The following BRDT variants were observed in gnomAD, a reference collection of about 807,000 sequenced individuals.
BRDT encodes the protein bromodomain testis associated.
Under a neutral mutation model 113.9 loss-of-function variants are expected in BRDT, and 77 were observed. The observed-to-expected ratio is 0.68, with a 90% CI of 0.56 to 0.82. The LOEUF is 0.82. Among genes scored for constraint, BRDT ranks in the 40% least tolerant of loss-of-function variants. The pLI is 0.00. For missense variants in BRDT, 1,027 were observed against 1,105.4 expected (o/e 0.93, Z 1.01); for synonymous variants, 358 against 366.5 (o/e 0.98, Z 0.26).
At chr1:91,954,271 A>ATTT (rs34674557) in intron 1 of BRDT, among the ~76,000 whole-genome samples, 1 of 79,786 alleles carries the variant, frequency 1.3e-5, no homozygotes, top group African/African-American at 5.1e-5. Context: ...GGTGCTCGGC[A>ATTT]TTTTTTTTTT....
chr1:91,964,018 T>A (rs983368225), intron 2 of BRDT, among the ~76,000 whole-genome samples: 4 of 151,960 alleles, frequency 2.6e-5, no homozygotes, highest in African/African-American at 9.7e-5. Flanking sequence ...AAGACAGGCA[T>A]GTGCCAGCAC....
At chr1:91,954,675 G>T (rs1454436901) in intron 1 of BRDT, among the ~76,000 whole-genome samples, 1 of 152,218 alleles carries the variant, frequency 6.6e-6, no homozygotes. Context: ...AATAGTGGAG[G>T]CTGGGTGTGA....
At chr1:91,956,977 A>G (rs1436255574) in intron 1 of BRDT, among the ~76,000 whole-genome samples, 2 of 152,138 alleles carry the variant, frequency 1.3e-5, no homozygotes, top group African/African-American at 2.4e-5. Flanking sequence ...TCTTGATTAC[A>G]TTCAATTGTT....
In BRDT at chr1:91,962,955, G is replaced by T; in HGVS notation, c.192+9G>T. On this transcript the variant is annotated intron_variant, in intron 2 of 18. Transcript: ENST00000399546. Reference sequence around the variant, plus strand: ...TGAAACTACAGTTGCCTGTATGTATGTCTTCAACTATGTTAGTTTCAAAAA... The same window carrying T: ...TGAAACTACAGTTGCCTGTATGTATTTCTTCAACTATGTTAGTTTCAAAAA... 6.5e-7 allele frequency: 1 copy of T among 1,539,084 alleles called. No individual in the cohort carries two copies. Among genetic ancestry groups the T allele is most frequent in the Non-Finnish European group, 8.7e-7 (1 of 1,145,260 alleles).
At chr1:92,001,690 C>G (rs1275738644) in intron 15 of BRDT, among the ~76,000 whole-genome samples, 1 of 151,140 alleles carries the variant, frequency 6.6e-6, no homozygotes, top group African/African-American at 2.4e-5. Flanking sequence ...AAGCAAGACC[C>G]TCTCCCCGCA....
At chr1:91,977,582 G>A (rs1684272811) in intron 6 of BRDT, 189 bp downstream of exon 6, 1 of 475,254 alleles carries the variant, frequency 2.1e-6, no homozygotes, top group Non-Finnish European at 3.5e-6. Flanking sequence ...ACATGTCCAT[G>A]GTTCTAGGCC....
intron 4 of BRDT, among the ~76,000 whole-genome samples, chr1:91,970,526 C>G (rs1397112820): frequency 6.6e-6 from 1 of 152,178 alleles, no homozygotes; most frequent in Non-Finnish European, 1.5e-5. Flanking sequence ...CTTGGCCTCC[C>G]AAAGTGCTAG....
rs1186901507 is a variant in BRDT, at chr1:91,977,267, A to G, written c.843A>G (p.Lys281=). 1.2e-6 allele frequency: 2 copies of G among 1,614,148 alleles called. No individual in the cohort carries two copies. The highest frequency in any genetic ancestry group is 1.1e-5 in the South Asian group (1 of 91,076). The change falls in exon 6 of 19, where the codon AAA becomes AAG. Residue 281 remains lysine, a synonymous_variant. Transcript: ENST00000399546. The stretch of plus-strand genomic sequence containing the variant: ...TAAGGCACTGTAGTGAGATTCTTAA[A>G]GAAATGCTTGCAAAGAAACATTTTT... ...EQLRHCSEIL[K]EMLAKKHFSY...
chr1:91,965,945 A>G (rs552538117), intron 3 of BRDT, among the ~76,000 whole-genome samples: 7 of 152,084 alleles, frequency 4.6e-5, no homozygotes, highest in South Asian at 2.1e-4. Context: ...GAGATCAGAT[A>G]TGCTCTTTGT....
intron 3 of BRDT, 140 bp downstream of exon 3, chr1:91,964,904 TA>T: frequency 2.3e-6 from 1 of 436,782 alleles, no homozygotes; most frequent in Non-Finnish European, 3.6e-6. Context: ...TGTGTGTGTG[TA>T]TATAATTTTT....
At chr1:91,964,809 T>C in intron 3 of BRDT, 45 bp downstream of exon 3, 1 of 1,272,206 alleles carries the variant, frequency 7.9e-7, no homozygotes, top group Non-Finnish European at 1.0e-6. Flanking sequence ...TGCCATTACA[T>C]ATAGGAGAGA....
At chr1:91,998,173 G>A (rs924377784) in intron 15 of BRDT, among the ~76,000 whole-genome samples, 5 of 152,022 alleles carry the variant, frequency 3.3e-5, no homozygotes, top group Non-Finnish European at 4.4e-5. Flanking sequence ...CTAAATTGCC[G>A]CCATGAAAAG....
chr1:92,008,538 A>C (rs1687535571), intron 18 of BRDT, among the ~76,000 whole-genome samples: 1 of 152,200 alleles, frequency 6.6e-6, no homozygotes, highest in Non-Finnish European at 1.5e-5. Flanking sequence ...TATAGTTTAC[A>C]TTAGGATTCA....
chr1:91,963,032 A>G (rs1316207592), intron 2 of BRDT, 86 bp downstream of exon 2: 1 of 1,174,374 alleles, frequency 8.5e-7, no homozygotes, highest in African/African-American at 1.6e-5. Context: ...TAATATTATA[A>G]AACATATTTG....
At chr1:91,981,404 T>A (rs921015980) in intron 11 of BRDT, 23 bp downstream of exon 11, 14 of 1,490,774 alleles carry the variant, frequency 9.4e-6, no homozygotes, top group African/African-American at 1.4e-5. Context: ...TTTTGTTTGT[T>A]TGTATGTATG....
chr1:91,965,626 G>C (rs747174241), intron 3 of BRDT, among the ~76,000 whole-genome samples: 4 of 152,016 alleles, frequency 2.6e-5, no homozygotes, highest in Admixed American at 6.6e-5. Context: ...GAGGCGGGAG[G>C]ATCATGAGGT....
At chr1:91,994,867 CAAAAAAAAAAA>C (rs11330809) in intron 15 of BRDT, among the ~76,000 whole-genome samples, 15 of 65,498 alleles carry the variant, frequency 2.3e-4, no homozygotes, top group South Asian at 8.7e-4. Flanking sequence ...GACTCCGTCT[CAAAAAAAAAAA>C]AAAAAAAAAA....
At chr1:91,992,532 T>C (rs776936710) in intron 14 of BRDT, among the ~76,000 whole-genome samples, 2 of 151,746 alleles carry the variant, frequency 1.3e-5, no homozygotes, top group African/African-American at 4.8e-5. Flanking sequence ...ATTATACATA[T>C]ATATATTTTG....
chr1:91,975,220 T>C (rs1352209947), intron 4 of BRDT, among the ~76,000 whole-genome samples: 1 of 151,982 alleles, frequency 6.6e-6, no homozygotes, highest in Non-Finnish European at 1.5e-5. Context: ...ACATGGCACA[T>C]GTATACATAT....
Sources: allele counts gnomAD v4.1 joint callset (sites outside exome capture counted in the v4.1 genomes callset), GRCh38; gene constraint gnomAD v4.1.1; transcripts MANE v1.5; gene names NCBI Gene and HGNC (gene_info 2026-07-23, HGNC 2026-07-21).